Variants in PLEKHA5 observed in about 807,000 individuals in gnomAD.
PLEKHA5 encodes pleckstrin homology domain containing A5.
PLEKHA5 carries 55 observed loss-of-function variants against 181.9 expected under a neutral mutation model. The ratio of observed to expected loss-of-function variants is 0.30; its 90% CI spans 0.24 to 0.38. The LOEUF (loss-of-function observed/expected upper bound fraction) is 0.38, where lower values mean the gene tolerates loss of function less well. Ranked by LOEUF, PLEKHA5 falls within the 10% of genes least tolerant of loss-of-function variation. PLEKHA5 has a pLI of 1.00. For synonymous variants in PLEKHA5, 535 were observed against 529.4 expected (o/e 1.01, Z -0.15); for missense variants, 1,432 against 1,549.5 (o/e 0.92, Z 1.27).
intron 6 of PLEKHA5, among the ~76,000 whole-genome samples, chr12:19,258,105 C>T (rs890301868): frequency 9.2e-5 from 14 of 151,990 alleles, no homozygotes; most frequent in African/African-American, 2.9e-4. Flanking sequence ...TACTCTCAGG[C>T]GTCCTGATTG....
intron 31 of PLEKHA5, chr12:19,370,736 C>G (rs965890586): frequency 6.6e-6 from 1 of 151,990 alleles, no homozygotes; most frequent in African/African-American, 2.4e-5. Context: ...GTCCCCCATG[C>G]TGGAGTGTAG....
At chr12:19,306,846 A>G in intron 15 of PLEKHA5, 3 of 794,086 alleles carry the variant, frequency 3.8e-6, no homozygotes, top group Non-Finnish European at 6.7e-6. Flanking sequence ...CAGAGCTTTG[A>G]TAACGTACCA....
At chr12:19,277,269 A>G (rs1420962443) in intron 11 of PLEKHA5, among the ~76,000 whole-genome samples, 1 of 152,198 alleles carries the variant, frequency 6.6e-6, no homozygotes, top group Non-Finnish European at 1.5e-5. Context: ...GTTAAATCTT[A>G]CTTCAAAGAA....
At chr12:19,146,214 GTACT>G (rs2038881587) in intron 3 of PLEKHA5, among the ~76,000 whole-genome samples, 2 of 152,150 alleles carry the variant, frequency 1.3e-5, no homozygotes. Flanking sequence ...TGGTGTTACT[GTACT>G]TAAGTTTTGG....
chr12:19,240,014 C>T (rs1291624251), intron 3 of PLEKHA5, among the ~76,000 whole-genome samples: 1 of 152,168 alleles, frequency 6.6e-6, no homozygotes, highest in African/African-American at 2.4e-5. Context: ...TGAAAGAAAG[C>T]CAAACGTTTT....
At chr12:19,260,167 AT>A (rs1308922830) in intron 6 of PLEKHA5, among the ~76,000 whole-genome samples, 1 of 152,180 alleles carries the variant, frequency 6.6e-6, no homozygotes, top group Non-Finnish European at 1.5e-5. Context: ...TAAGAAAAAA[AT>A]GTTTATGAAT....
At chr12:19,244,120 T>C (rs1411342989) in intron 3 of PLEKHA5, among the ~76,000 whole-genome samples, 1 of 152,302 alleles carries the variant, frequency 6.6e-6, no homozygotes, top group East Asian at 1.9e-4. Flanking sequence ...ATTTAATAAC[T>C]AAATGGCTGC....
intron 16 of PLEKHA5, 58 bp downstream of exon 16, chr12:19,314,952 A>C: frequency 1.2e-6 from 1 of 863,290 alleles, no homozygotes; most frequent in Non-Finnish European, 1.9e-6. Flanking sequence ...CCTCAGTGAC[A>C]GTTTTGATTT....
intron 3 of PLEKHA5, among the ~76,000 whole-genome samples, chr12:19,173,034 T>TTTTTTG: frequency 8.2e-6 from 1 of 121,282 alleles, no homozygotes; most frequent in East Asian, 2.5e-4. Flanking sequence ...TTTTTTTTTT[T>TTTTTTG]GAGACGGAGT....
intron 13 of PLEKHA5, among the ~76,000 whole-genome samples, chr12:19,289,343 AAATGATTTCTG>A (rs2077902462): frequency 6.6e-6 from 1 of 152,262 alleles, no homozygotes; most frequent in South Asian, 2.1e-4. Context: ...TAATGGTTAA[AAATGATTTCTG>A]TTTTTGAAAA....
chr12:19,266,476 C>T (rs936253324), intron 8 of PLEKHA5, among the ~76,000 whole-genome samples: 6 of 151,536 alleles, frequency 4.0e-5, no homozygotes, highest in African/African-American at 1.5e-4. Context: ...ACAGTAAGAC[C>T]CTGTCTCAAA....
chr12:19,182,836 C>G (rs1482498867), intron 3 of PLEKHA5, among the ~76,000 whole-genome samples: 1 of 152,142 alleles, frequency 6.6e-6, no homozygotes, highest in Non-Finnish European at 1.5e-5. Flanking sequence ...GATAAGGTTT[C>G]TAAGGTTATG....
At chr12:19,134,633 T>C (rs1410218784) in intron 3 of PLEKHA5, among the ~76,000 whole-genome samples, 1 of 152,188 alleles carries the variant, frequency 6.6e-6, no homozygotes, top group Non-Finnish European at 1.5e-5. Context: ...TACTTGTTTG[T>C]ATTGTTATTT....
At chr12:19,302,906 ATTTTTTT>A (rs34702332) in intron 15 of PLEKHA5, among the ~76,000 whole-genome samples, 8 of 53,990 alleles carry the variant, frequency 1.5e-4, no homozygotes, top group Admixed American at 3.8e-4. Flanking sequence ...TCTGTATGAA[ATTTTTTT>A]TTTTTTTTTT....
At chr12:19,231,325 ACT>A (rs993407590) in intron 3 of PLEKHA5, among the ~76,000 whole-genome samples, 1 of 151,934 alleles carries the variant, frequency 6.6e-6, no homozygotes, top group African/African-American at 2.4e-5. Context: ...AGTAAATCAG[ACT>A]CTGTAGAAAA....
In PLEKHA5 at chr12:19,265,813, C is replaced by A; in HGVS notation, c.674C>A (p.Thr225Asn). The A allele has an allele frequency of 1.2e-6, 2 of 1,602,554 alleles. No individual in the cohort carries two copies. Among genetic ancestry groups the A allele is most frequent in the Non-Finnish European group, 1.7e-6 (2 of 1,170,808 alleles). The change falls in exon 8 of 32, where the codon ACC becomes AAC. Residue 225 changes from threonine (T) to asparagine (N), a missense_variant. Thr to Asn is a moderately conservative substitution (Grantham distance 65). This residue lies in a region of PLEKHA5 where 289 missense variants were observed against 381.1 expected (regional missense o/e 0.76). Transcript: ENST00000429027. ...LLPSFQIALLTSEDHINRKYA... is the reference protein window; with the variant it reads ...LLPSFQIALLNSEDHINRKYA... ...CCTAGTTTTCAGATAGCTTTGCTTA[C>A]CTCTGAAGATCACATTAATCGCAAA... is the stretch of plus-strand genomic sequence containing the variant.
intron 12 of PLEKHA5, among the ~76,000 whole-genome samples, chr12:19,284,789 C>T (rs546876588): frequency 3.9e-5 from 6 of 152,044 alleles, no homozygotes; most frequent in African/African-American, 1.2e-4. Flanking sequence ...GTTCTTTGAC[C>T]GGACATAGTG....
intron 20 of PLEKHA5, among the ~76,000 whole-genome samples, chr12:19,326,384 A>C (rs1025508875): frequency 2.0e-5 from 3 of 152,188 alleles, no homozygotes; most frequent in African/African-American, 7.2e-5. Flanking sequence ...GATTTCACTG[A>C]ATCTTTCACA....
chr12:19,252,244 C>G (rs1452844858), intron 3 of PLEKHA5, among the ~76,000 whole-genome samples: 1 of 151,876 alleles, frequency 6.6e-6, no homozygotes, highest in East Asian at 1.9e-4. Flanking sequence ...TGAAATTTAC[C>G]TGGAAGTTTG....
Sources: allele counts gnomAD v4.1 joint callset (sites outside exome capture counted in the v4.1 genomes callset), GRCh38; gene constraint gnomAD v4.1.1; regional missense constraint gnomAD v4.1.1; transcripts MANE v1.5; gene names NCBI Gene and HGNC (gene_info 2026-07-23, HGNC 2026-07-21).